The following CTNNAL1 variants were observed in gnomAD, a reference collection of about 807,000 sequenced individuals.
CTNNAL1 encodes catenin alpha like 1, also known as alpha-catulin.
In CTNNAL1, 69 loss-of-function variants were observed where a neutral mutation model predicts 93.6. The observed-to-expected ratio is 0.74, with a 90% CI of 0.61 to 0.90. The LOEUF (loss-of-function observed/expected upper bound fraction) is 0.90. Among genes scored for constraint, CTNNAL1 ranks in the 40% least tolerant of loss-of-function variants. The pLI is 0.00. For missense variants in CTNNAL1, 836 were observed against 862.0 expected (o/e 0.97, Z 0.38); for synonymous variants, 286 against 305.4 (o/e 0.94, Z 0.66).
chr9:108,999,302 T>A, intron 1 of CTNNAL1, 46 bp from the exon 2 acceptor site: 1 of 1,539,588 alleles, frequency 6.5e-7, no homozygotes. Flanking sequence ...TACCTTTTCT[T>A]TTTTAAGCTG....
At chr9:109,013,257 C>G in intron 1 of CTNNAL1, 45 bp downstream of exon 1, 3 of 1,431,998 alleles carry the variant, frequency 2.1e-6, no homozygotes, top group Non-Finnish European at 2.7e-6. Context: ...CCATCGCGGG[C>G]CGCGGCGGGA....
intron 4 of CTNNAL1, among the ~76,000 whole-genome samples, chr9:108,988,031 G>A (rs1045283689): frequency 6.6e-6 from 1 of 152,102 alleles, no homozygotes; most frequent in Non-Finnish European, 1.5e-5. Context: ...TCCTTCTCCT[G>A]CCTAATTGCC....
chr9:108,956,208 AT>A (rs1359357778), intron 11 of CTNNAL1, among the ~76,000 whole-genome samples: 1 of 152,216 alleles, frequency 6.6e-6, no homozygotes, highest in Non-Finnish European at 1.5e-5. Flanking sequence ...CGCTTCTTCC[AT>A]TTCTGCAAGT....
At chr9:108,972,864 G>GGGGGGGGGGGGGGGGGCCCCCCCC in intron 8 of CTNNAL1, 31 bp from the exon 9 acceptor site, 4 of 142,560 alleles carry the variant, frequency 2.8e-5, no homozygotes, top group African/African-American at 9.6e-5. Flanking sequence ...GGGGGGGTGG[G>GGGGGGGGGGGGGGGGGCCCCCCCC]AGGGTGGAGA....
intron 1 of CTNNAL1, among the ~76,000 whole-genome samples, chr9:109,006,331 T>A (rs1827025973): frequency 6.6e-6 from 1 of 152,236 alleles, no homozygotes; most frequent in African/African-American, 2.4e-5. Context: ...TGCTTGCTTC[T>A]CCAGCATCTA....
intron 8 of CTNNAL1, among the ~76,000 whole-genome samples, chr9:108,974,701 A>T (rs1831210112): frequency 6.6e-6 from 1 of 152,074 alleles, no homozygotes; most frequent in Non-Finnish European, 1.5e-5. Flanking sequence ...GGTGGCATGC[A>T]CCTGTGGCCC....
chr9:108,987,938 T>A (rs1831666452), intron 4 of CTNNAL1, among the ~76,000 whole-genome samples: 1 of 152,196 alleles, frequency 6.6e-6, no homozygotes, highest in African/African-American at 2.4e-5. Flanking sequence ...GCTGAGACAG[T>A]GGGGTTTTCT....
chr9:108,965,030 T>C (rs1348095917), intron 11 of CTNNAL1, among the ~76,000 whole-genome samples: 1 of 152,066 alleles, frequency 6.6e-6, no homozygotes. Context: ...CGGCTAATTT[T>C]TGTATTTTTA....
intron 11 of CTNNAL1, among the ~76,000 whole-genome samples, chr9:108,961,969 T>C (rs1020464227): frequency 1.1e-4 from 16 of 152,324 alleles, no homozygotes; most frequent in Non-Finnish European, 2.2e-4. Flanking sequence ...GTTGTGAGCA[T>C]TTTTCACAGA....
intron 17 of CTNNAL1, 100 bp downstream of exon 17, chr9:108,943,603 T>C (rs1259325970): frequency 3.3e-6 from 3 of 901,386 alleles, no homozygotes; most frequent in African/African-American, 1.7e-5. Flanking sequence ...AAAAAGGAAA[T>C]AAATTGCCCT....
chr9:108,960,550 CA>C (rs1193799453), intron 11 of CTNNAL1, among the ~76,000 whole-genome samples: 1 of 152,086 alleles, frequency 6.6e-6, no homozygotes, highest in African/African-American at 2.4e-5. Flanking sequence ...AACTGAAAAC[CA>C]AATTAAGATT....
intron 15 of CTNNAL1, among the ~76,000 whole-genome samples, chr9:108,946,766 A>G (rs1830415572): frequency 6.6e-6 from 1 of 152,212 alleles, no homozygotes; most frequent in Non-Finnish European, 1.5e-5. Flanking sequence ...TGTTGAATGA[A>G]GTATGCAATT....
intron 7 of CTNNAL1, among the ~76,000 whole-genome samples, chr9:108,978,926 G>A (rs1196432055): frequency 6.6e-6 from 1 of 152,218 alleles, no homozygotes; most frequent in East Asian, 1.9e-4. Flanking sequence ...GAACCTCTAG[G>A]AGGGGGTCTA....
At chr9:108,977,712 T>C (rs1326372789) in intron 7 of CTNNAL1, among the ~76,000 whole-genome samples, 3 of 152,206 alleles carry the variant, frequency 2.0e-5, no homozygotes, top group Admixed American at 6.5e-5. Context: ...GTCGTAGATA[T>C]TCAATTCTTT....
chr9:108,975,367 G>A (rs1831237935), intron 8 of CTNNAL1, among the ~76,000 whole-genome samples: 1 of 151,976 alleles, frequency 6.6e-6, no homozygotes, highest in Admixed American at 6.6e-5. Context: ...GAAAGCCTCT[G>A]AAGAACCACT....
chr9:108,949,545 T>TA (rs1830498561), intron 14 of CTNNAL1, among the ~76,000 whole-genome samples: 2 of 152,264 alleles, frequency 1.3e-5, no homozygotes, highest in South Asian at 2.1e-4. Flanking sequence ...CTATCTCTAC[T>TA]AAAAATACAA....
In CTNNAL1 at chr9:108,968,922, A is replaced by T. The variant is rs72758385; in HGVS notation, c.1440+1480T>A. Among the ~76,000 whole-genome samples, 987 of 151,910 alleles carry T rather than the reference A, an allele frequency of 6.5e-3. 4 individuals are homozygous for T. The highest frequency in any genetic ancestry group is 0.048 in the Middle Eastern group (14 of 294). On this transcript the variant is annotated intron_variant, in intron 10 of 18. Transcript: ENST00000325551. The stretch of plus-strand genomic sequence containing the variant: ...ATAAATTAAAATATAAATAATATTT[A>T]AAAAAATAAACAAAAGAACAACTGC...
intron 15 of CTNNAL1, among the ~76,000 whole-genome samples, chr9:108,947,639 T>C (rs920938106): frequency 6.6e-6 from 1 of 152,218 alleles, no homozygotes; most frequent in Admixed American, 6.5e-5. Flanking sequence ...TGGGCCTATG[T>C]GGAGTCCTGT....
chr9:108,986,110 C>T (rs898401523), intron 4 of CTNNAL1, among the ~76,000 whole-genome samples: 2 of 151,182 alleles, frequency 1.3e-5, no homozygotes, highest in African/African-American at 2.4e-5. Context: ...ATGTGCCATG[C>T]TGGTGTGCTG....
Sources: allele counts gnomAD v4.1 joint callset (sites outside exome capture counted in the v4.1 genomes callset), GRCh38; gene constraint gnomAD v4.1.1; transcripts MANE v1.5; gene names NCBI Gene and HGNC (gene_info 2026-07-23, HGNC 2026-07-21).